Variants in DDX55 observed in about 807,000 individuals in gnomAD.
DDX55 encodes DEAD-box helicase 55.
In DDX55, 56 loss-of-function variants were observed where a neutral mutation model predicts 69.2. The ratio of observed to expected loss-of-function variants is 0.81; its 90% CI spans 0.65 to 1.01. The LOEUF (loss-of-function observed/expected upper bound fraction) is 1.01, where lower values mean the gene tolerates loss of function less well. Among genes scored for constraint, DDX55 ranks in the 50% least tolerant of loss-of-function variants. The probability of loss-of-function intolerance (pLI) is 0.00; values close to 1 mark genes in which losing one functional copy is unlikely to be tolerated. For synonymous variants in DDX55, 268 were observed against 273.1 expected, an observed-to-expected ratio of 0.98 and a Z score of 0.18; for missense variants, 720 against 745.1, an observed-to-expected ratio of 0.97 and a Z score of 0.39.
intron 11 of DDX55, 24 bp from the exon 12 acceptor site, chr12:123,618,644 GA>G: frequency 6.2e-7 from 1 of 1,602,748 alleles, no homozygotes; most frequent in Non-Finnish European, 8.5e-7. Context: ...GGGAAGGTGA[GA>G]ATGTGGTATG....
Position 123,605,983 on chromosome 12 carries a change from T to A in DDX55, c.159+2T>A. 6.2e-7 allele frequency: 1 copy of A among 1,614,156 alleles called. No individual in the cohort carries two copies. ...AACAAAGATGTCGCTGCAGAAGCGG[T>A]GAGTGCCTCGGGTATGTGCAGCCTG... On this transcript the variant is annotated splice_donor_variant, in intron 2 of 13. Coordinates refer to ENST00000238146, the MANE Select transcript of DDX55 (RefSeq NM_020936.3). LOFTEE classifies it high-confidence loss of function.
At chr12:123,605,860 C>T in intron 1 of DDX55, 71 bp from the exon 2 acceptor site, 1 of 1,605,574 alleles carries the variant, frequency 6.2e-7, no homozygotes, top group Non-Finnish European at 8.5e-7. Flanking sequence ...CCATTATGTT[C>T]CTAGGGCTTC....
intron 7 of DDX55, among the ~76,000 whole-genome samples, chr12:123,611,798 G>A (rs538624071): frequency 5.5e-4 from 83 of 152,258 alleles, no homozygotes; most frequent in African/African-American, 1.8e-3. Flanking sequence ...TGAGGGAGGA[G>A]GCTAGCTCTT....
chr12:123,613,106 A>T (rs1954387208), intron 7 of DDX55, 64 bp from the exon 8 acceptor site: 1 of 1,549,390 alleles, frequency 6.5e-7, no homozygotes, highest in African/African-American at 1.4e-5. Flanking sequence ...CTGAAACTGA[A>T]AATAGCCATG....
chr12:123,616,545 G>A lies in DDX55; in HGVS notation c.991G>A (p.Gly331Arg), dbSNP rs200409583. The change falls in exon 10 of 14, where the codon GGA becomes AGA. Residue 331 changes from glycine (G) to arginine (R), a missense_variant. Physicochemically the swap from Gly to Arg is moderately radical, Grantham distance 125. Transcript: ENST00000238146. Reference sequence around the variant, plus strand: ...AGTGTGCACTGATGTGATGGCCCGGGGAATTGATATTCCTGAAGTCAACTG... The same window carrying A: ...AGTGTGCACTGATGTGATGGCCCGGAGAATTGATATTCCTGAAGTCAACTG... Reference protein sequence around the residue: ...ILVCTDVMARGIDIPEVNWVL... With the variant: ...ILVCTDVMARRIDIPEVNWVL... 1 of 1,614,094 alleles carries A rather than the reference G, an allele frequency of 6.2e-7. No homozygotes were observed. The highest frequency in any genetic ancestry group is 2.2e-5 in the East Asian group (1 of 44,880).
intron 7 of DDX55, among the ~76,000 whole-genome samples, chr12:123,610,890 G>GT (rs759513993): frequency 0.013 from 1,722 of 132,696 alleles, 41 homozygotes; most frequent in African/African-American, 0.043. Context: ...GCGCCCGGCC[G>GT]TTTTTTTTTG....
chr12:123,608,107 T>G, intron 5 of DDX55: 1 of 212,492 alleles, frequency 4.7e-6, no homozygotes, highest in Non-Finnish European at 9.6e-6. Flanking sequence ...AAACATATCT[T>G]GTAGGTGAGC....
intron 6 of DDX55, 74 bp from the exon 7 acceptor site, chr12:123,609,865 T>C (rs116907308): frequency 0.029 from 44,424 of 1,517,012 alleles, 726 homozygotes; most frequent in Middle Eastern, 0.046. Context: ...TGAATACCTG[T>C]TTAGTATCGT....
In DDX55 at chr12:123,620,579, ATT is replaced by A. The variant is rs1491455828; in HGVS notation, c.*440_*441del. On this transcript the variant is annotated 3_prime_UTR_variant, in exon 14 of 14. Transcript: ENST00000238146. ...GGGTCACATATAGACATATGTACAT[ATT>A]ATATATATATATATATATATATATA... 2.8e-5 allele frequency: 2 copies of A among 70,942 alleles called. No individual in the cohort carries two copies. The highest frequency in any genetic ancestry group is 5.1e-5 in the African/African-American group (1 of 19,616). 4.4% of individuals were successfully genotyped at this position (70,942 alleles called of 1,614,324 possible). A position where few individuals can be genotyped will look rare whatever the true frequency, so the allele number is the denominator to read the frequency against.
Position 123,617,757 on chromosome 12 carries a change from G to C in DDX55, c.1050-1G>C. The C allele has an allele frequency of 6.2e-7, 1 of 1,609,832 alleles. No homozygotes were observed. Among genetic ancestry groups the C allele is most frequent in the Non-Finnish European group, 8.5e-7 (1 of 1,178,144 alleles). Reference sequence around the variant, plus strand: ...CCCATTTCCACCCTGTGTTCTCACAGTGCCTTCGTGCATCGCTGCGGTCGC... The same window carrying C: ...CCCATTTCCACCCTGTGTTCTCACACTGCCTTCGTGCATCGCTGCGGTCGC... On this transcript the variant is annotated splice_acceptor_variant, in intron 10 of 13. Transcript: ENST00000238146. LOFTEE classifies it high-confidence loss of function.
Position 123,620,389 on chromosome 12 carries a change from C to G in DDX55, c.*249C>G, listed in dbSNP as rs142193554. The G allele has an allele frequency of 8.3e-3, 2,272 of 275,170 alleles. 73 individuals are homozygous for G. Among genetic ancestry groups the G allele is most frequent in the East Asian group, 0.058 (944 of 16,234 alleles). The allele number at this position is 275,170 out of a possible 1,614,324, so 17.0% of individuals were successfully genotyped here. A position where few individuals can be genotyped will look rare whatever the true frequency, so the allele number is the denominator to read the frequency against. ...ATCCCAGCACTTTGGGAGGCTGAGGCAGGAGGATCACTTGAGCCCAGGAGT... is the reference window on the plus strand; with the variant it reads ...ATCCCAGCACTTTGGGAGGCTGAGGGAGGAGGATCACTTGAGCCCAGGAGT... On this transcript the variant is annotated 3_prime_UTR_variant, in exon 14 of 14. Coordinates refer to ENST00000238146, the MANE Select transcript of DDX55 (RefSeq NM_020936.3).
chr12:123,607,744 G>T (rs1161130155), intron 5 of DDX55, 82 bp downstream of exon 5: 1 of 1,596,946 alleles, frequency 6.3e-7, no homozygotes, highest in East Asian at 2.2e-5. Context: ...CAGCCTAACT[G>T]TGGGTCCCCC....
chr12:123,619,139 A>C (rs981131919), intron 12 of DDX55, among the ~76,000 whole-genome samples: 4 of 152,158 alleles, frequency 2.6e-5, no homozygotes, highest in Non-Finnish European at 4.4e-5. Context: ...AGTAGCTGGG[A>C]CTACAGGCGC....
At position 123,614,836 on chromosome 12, in the gene DDX55, G is replaced by A. The variant is rs147060018; in HGVS notation, c.825-349G>A. Among the ~76,000 whole-genome samples the A allele has an allele frequency of 2.6e-4, 40 of 152,250 alleles. No individual in the cohort carries two copies. The East Asian group carries it at 6.2e-3, about 24-fold the overall frequency. ...GTTTTTAAATCTTGTAACACTATTTGTGGCTAAGATGTCATTGCTTTTGTT... is the reference window on the plus strand; with the variant it reads ...GTTTTTAAATCTTGTAACACTATTTATGGCTAAGATGTCATTGCTTTTGTT... On this transcript the variant is annotated intron_variant, in intron 8 of 13. Coordinates refer to ENST00000238146, the MANE Select transcript of DDX55 (RefSeq NM_020936.3).
At chr12:123,607,294 A>T in intron 3 of DDX55, 138 bp from the exon 4 acceptor site, 1 of 838,000 alleles carries the variant, frequency 1.2e-6, no homozygotes, top group African/African-American at 1.7e-5. Flanking sequence ...ATATGTGCTC[A>T]GAGATGCTGC....
Position 123,615,290 on chromosome 12 carries a change from C to G in DDX55, c.930C>G (p.Ile310Met). 6.2e-7 allele frequency: 1 copy of G among 1,614,018 alleles called. No homozygotes were observed. Among genetic ancestry groups the G allele is most frequent in the Non-Finnish European group, 8.5e-7 (1 of 1,179,954 alleles). Residue 310 changes from isoleucine (I) to methionine (M), a missense_variant, in exon 9 of 14, where the codon ATC (isoleucine) becomes ATG (methionine). Coordinates refer to ENST00000238146, the MANE Select transcript of DDX55 (RefSeq NM_020936.3). ...AGATGAAATATAAACGCAATAAGAT[C>G]TTCATGGAGTTCCGCAAATTGCAAA... The part of the protein sequence containing the change: ...HGKMKYKRNK[I>M]FMEFRKLQSG...
intron 7 of DDX55, 125 bp downstream of exon 7, chr12:123,610,253 AG>A: frequency 7.8e-7 from 1 of 1,274,248 alleles, no homozygotes. Flanking sequence ...GGACAGAGCT[AG>A]CTAGGGCAAA....
Position 123,618,770 on chromosome 12 carries a change from G to GAA in DDX55, c.1268_1269dup (p.Ala424LysfsTer17). ...ACAGAGCTGTGTTTGAAAAGGGCATGAAAGCTTTTGTGTCATATGTCCAAG... is the reference window on the plus strand; with the variant it reads ...ACAGAGCTGTGTTTGAAAAGGGCATGAAAAAGCTTTTGTGTCATATGTCCAAG... On this transcript the variant is annotated frameshift_variant, in exon 12 of 14. Transcript: ENST00000238146. LOFTEE classifies it high-confidence loss of function. The GAA allele has an allele frequency of 6.2e-7, 1 of 1,614,228 alleles. No individual in the cohort carries two copies. Among genetic ancestry groups the GAA allele is most frequent in the East Asian group, 2.2e-5 (1 of 44,882 alleles).
chr12:123,603,846 AG>A (rs1442435404), intron 1 of DDX55, among the ~76,000 whole-genome samples: 2 of 151,984 alleles, frequency 1.3e-5, no homozygotes, highest in African/African-American at 4.8e-5. Flanking sequence ...TCTGTTGCCC[AG>A]GTTGGAGTGC....
Sources: gnomAD v4.1 joint callset for allele counts (sites outside exome capture counted in the v4.1 genomes callset) on GRCh38, gnomAD v4.1.1 for gene constraint, MANE v1.5 for transcripts, NCBI Gene and HGNC (gene_info 2026-07-23, HGNC 2026-07-21) for gene names.